SLC14A2: variants seen among roughly 807,000 people sequenced by gnomAD.
SLC14A2 encodes urea transporter 2.
In SLC14A2, 91 loss-of-function variants were observed where a neutral mutation model predicts 104.6. That is an observed-to-expected ratio of 0.87 (90% confidence interval 0.73 to 1.04). The LOEUF is 1.04. Among genes scored for constraint, SLC14A2 ranks in the 50% least tolerant of loss-of-function variants. The pLI is 0.00. For missense variants in SLC14A2, 1,189 were observed against 1,156.0 expected (o/e 1.03, Z -0.41); for synonymous variants, 476 against 466.4 (o/e 1.02, Z -0.27).
intron 1 of SLC14A2, among the ~76,000 whole-genome samples, chr18:45,273,497 A>G (rs1353682335): frequency 1.3e-5 from 2 of 152,174 alleles, no homozygotes; most frequent in Non-Finnish European, 2.9e-5. Flanking sequence ...GCGTTGTCCT[A>G]CAGATGAAGA....
intron 2 of SLC14A2, among the ~76,000 whole-genome samples, chr18:45,519,826 C>T (rs571890202): frequency 1.3e-5 from 2 of 152,140 alleles, no homozygotes; most frequent in African/African-American, 2.4e-5. Context: ...TTTGTGAGAT[C>T]GCTCTGGGTT....
intron 2 of SLC14A2, among the ~76,000 whole-genome samples, chr18:45,512,216 A>G (rs1457633101): frequency 6.6e-6 from 1 of 152,160 alleles, no homozygotes; most frequent in East Asian, 1.9e-4. Flanking sequence ...GCAACAGATG[A>G]ATTCCAGTCC....
intron 6 of SLC14A2, among the ~76,000 whole-genome samples, chr18:45,638,204 C>T (rs908164295): frequency 1.3e-5 from 2 of 152,124 alleles, no homozygotes; most frequent in Non-Finnish European, 2.9e-5. Context: ...AGCTGAGTTC[C>T]CTGGTCTGGT....
At chr18:45,408,683 G>A (rs564374156) in intron 1 of SLC14A2, among the ~76,000 whole-genome samples, 1 of 152,270 alleles carries the variant, frequency 6.6e-6, no homozygotes, top group East Asian at 1.9e-4. Context: ...GTGGACCACA[G>A]AGAGGATTTC....
At chr18:45,662,681 T>C (rs1383047052) in intron 10 of SLC14A2, among the ~76,000 whole-genome samples, 1 of 152,174 alleles carries the variant, frequency 6.6e-6, no homozygotes, top group African/African-American at 2.4e-5. Context: ...TAATATATAG[T>C]GCCCATTCTA....
At chr18:45,309,260 C>T (rs2144210483) in intron 1 of SLC14A2, among the ~76,000 whole-genome samples, 1 of 152,184 alleles carries the variant, frequency 6.6e-6, no homozygotes, top group South Asian at 2.1e-4. Flanking sequence ...CTTGTCCTCA[C>T]TTTCCTAATC....
At chr18:45,342,583 C>T (rs189646737) in intron 1 of SLC14A2, among the ~76,000 whole-genome samples, 2 of 152,298 alleles carry the variant, frequency 1.3e-5, no homozygotes, top group East Asian at 3.9e-4. Flanking sequence ...GAGAATATAA[C>T]TCAGAGCAAC....
intron 1 of SLC14A2, among the ~76,000 whole-genome samples, chr18:45,408,238 T>G (rs570502013): frequency 6.6e-6 from 1 of 152,316 alleles, no homozygotes; most frequent in Non-Finnish European, 1.5e-5. Context: ...TAACCACCAC[T>G]GAGATCATTT....
chr18:45,631,459 C>T (rs2045344670), intron 4 of SLC14A2, among the ~76,000 whole-genome samples: 1 of 152,238 alleles, frequency 6.6e-6, no homozygotes, highest in South Asian at 2.1e-4. Flanking sequence ...CATACACCAG[C>T]TTCTCCTCTG....
At chr18:45,337,199 G>A (rs1302116913) in intron 1 of SLC14A2, among the ~76,000 whole-genome samples, 1 of 152,090 alleles carries the variant, frequency 6.6e-6, no homozygotes, top group Non-Finnish European at 1.5e-5. Flanking sequence ...AAATTAGGAT[G>A]GGGAATATGA....
At chr18:45,573,761 C>T (rs1348144940) in intron 2 of SLC14A2, among the ~76,000 whole-genome samples, 1 of 152,214 alleles carries the variant, frequency 6.6e-6, no homozygotes, top group Admixed American at 6.5e-5. Context: ...CAACTTTATG[C>T]CACTAAATTC....
At chr18:45,558,900 T>C (rs541589045) in intron 2 of SLC14A2, among the ~76,000 whole-genome samples, 303 of 152,256 alleles carry the variant, frequency 2.0e-3, no homozygotes, top group African/African-American at 7.0e-3. Flanking sequence ...AATCGATTCC[T>C]CTGCCTCAGC....
At chr18:45,171,133 T>C in the SLC14A2 span, among the ~76,000 whole-genome samples, 4 of 152,172 alleles carry the variant, frequency 2.6e-5, no homozygotes, top group African/African-American at 7.2e-5. Context: ...CCACTAACAT[T>C]TGAATTTCAG....
rs577039171 is a variant in SLC14A2 at position 45,531,616 on chromosome 18, G to GT, written c.-35+48295dup. Among the ~76,000 whole-genome samples the GT allele has an allele frequency of 2.6e-3, 401 of 152,314 alleles. 2 individuals carry two copies. The highest frequency in any genetic ancestry group is 9.2e-3 in the African/African-American group (381 of 41,580). ...TGGATATTAGTCCTTTGTCAGATGA[G>GT]TAGGTTGCAAACATTTTCTCCCATT... On this transcript the variant is annotated intron_variant, in intron 2 of 20. Coordinates refer to the SLC14A2 transcript ENST00000586448.
At chr18:45,449,040 A>G (rs2086816671) in intron 1 of SLC14A2, among the ~76,000 whole-genome samples, 1 of 152,200 alleles carries the variant, frequency 6.6e-6, no homozygotes, top group African/African-American at 2.4e-5. Flanking sequence ...GCAGGTGGCC[A>G]TCCCAAAGGG....
the SLC14A2 span, among the ~76,000 whole-genome samples, chr18:45,177,653 A>G: frequency 1.3e-5 from 2 of 152,210 alleles, no homozygotes; most frequent in East Asian, 1.9e-4. Flanking sequence ...ATCACTTCCA[A>G]TATTCACTCC....
upstream of SLC14A2, among the ~76,000 whole-genome samples, chr18:45,610,669 G>T (rs2044958274): frequency 6.6e-6 from 1 of 152,204 alleles, no homozygotes; most frequent in African/African-American, 2.4e-5. Context: ...ACCAGCAGGA[G>T]GCATATGTTG....
At chr18:45,435,698 T>G (rs912838553) in intron 1 of SLC14A2, among the ~76,000 whole-genome samples, 5 of 152,198 alleles carry the variant, frequency 3.3e-5, no homozygotes, top group Non-Finnish European at 2.9e-5. Flanking sequence ...ATCCACTGGA[T>G]AGTGCCTAGT....
At chr18:45,340,674 C>A (rs2085384758) in intron 1 of SLC14A2, among the ~76,000 whole-genome samples, 1 of 152,198 alleles carries the variant, frequency 6.6e-6, no homozygotes, top group African/African-American at 2.4e-5. Context: ...GAATTGAAAG[C>A]ATTCTTTCTC....
Sources: allele counts gnomAD v4.1 joint callset (sites outside exome capture counted in the v4.1 genomes callset), GRCh38; gene constraint gnomAD v4.1.1; transcripts MANE v1.5; gene names NCBI Gene and HGNC (gene_info 2026-07-23, HGNC 2026-07-21).